The following CDH13 variants were observed in gnomAD, a reference collection of about 807,000 sequenced individuals.
The protein encoded by CDH13 is cadherin-13.
In CDH13, 24 loss-of-function variants were observed where a neutral mutation model predicts 63.8. The observed-to-expected ratio is 0.38, with a 90% CI of 0.27 to 0.53. CDH13 has a LOEUF of 0.53. Ranked by LOEUF, CDH13 falls within the 20% of genes least tolerant of loss-of-function variation. The probability of loss-of-function intolerance (pLI) is 0.85; values close to 1 mark genes in which losing one functional copy is unlikely to be tolerated. For missense variants in CDH13, 1,049 were observed against 903.1 expected, an observed-to-expected ratio of 1.16 and a Z score of -2.07; for synonymous variants, 503 against 355.3, an observed-to-expected ratio of 1.42 and a Z score of -4.67.
At chr16:83,320,605 TACA>T (rs1235171949) in intron 5 of CDH13, among the ~76,000 whole-genome samples, 1 of 152,256 alleles carries the variant, frequency 6.6e-6, no homozygotes, top group East Asian at 1.9e-4. Context: ...CCACTATTTC[TACA>T]AGAACAGATT....
intron 7 of CDH13, among the ~76,000 whole-genome samples, chr16:83,567,020 G>T (rs1173800878): frequency 6.6e-6 from 1 of 152,146 alleles, no homozygotes; most frequent in African/African-American, 2.4e-5. Flanking sequence ...GTGTCATACA[G>T]TTCTAGGCTC....
At chr16:82,639,239 A>T in intron 1 of CDH13, 1 of 526,040 alleles carries the variant, frequency 1.9e-6, no homozygotes, top group Admixed American at 3.4e-5. Flanking sequence ...TTGAGTTCCT[A>T]GTCTCTCAAA....
At chr16:82,993,641 T>C (rs1911894165) in intron 2 of CDH13, among the ~76,000 whole-genome samples, 1 of 152,228 alleles carries the variant, frequency 6.6e-6, no homozygotes. Flanking sequence ...TATCAGACTG[T>C]GTCTGCTAGT....
intron 1 of CDH13, among the ~76,000 whole-genome samples, chr16:82,854,013 C>G (rs2039592639): frequency 6.6e-6 from 1 of 152,164 alleles, no homozygotes; most frequent in Admixed American, 6.5e-5. Flanking sequence ...TTACTGCTTT[C>G]CATCCCCTTA....
chr16:83,377,224 A>G (rs1181543427), intron 6 of CDH13, among the ~76,000 whole-genome samples: 1 of 152,156 alleles, frequency 6.6e-6, no homozygotes, highest in Non-Finnish European at 1.5e-5. Flanking sequence ...TAAGAACTGA[A>G]TTAAACATAA....
At chr16:83,261,100 C>T (rs1313667164) in intron 5 of CDH13, among the ~76,000 whole-genome samples, 3 of 152,018 alleles carry the variant, frequency 2.0e-5, no homozygotes, top group African/African-American at 7.2e-5. Flanking sequence ...CACTCCTCAG[C>T]CAAGGAGAAC....
chr16:83,691,515 C>A (rs1396594672), intron 10 of CDH13, among the ~76,000 whole-genome samples: 1 of 152,088 alleles, frequency 6.6e-6, no homozygotes, highest in Non-Finnish European at 1.5e-5. Flanking sequence ...CCCCTTACAG[C>A]CTTGCAAAGA....
intron 6 of CDH13, among the ~76,000 whole-genome samples, chr16:83,351,185 C>T (rs1244505764): frequency 6.6e-6 from 1 of 151,696 alleles, no homozygotes; most frequent in Non-Finnish European, 1.5e-5. Flanking sequence ...TTTTTTTTTG[C>T]TGATATTTTC....
intron 7 of CDH13, among the ~76,000 whole-genome samples, chr16:83,573,105 A>C (rs527459754): frequency 6.5e-4 from 99 of 152,344 alleles, no homozygotes; most frequent in African/African-American, 2.1e-3. Context: ...ATGACTGTGC[A>C]CAATGCAGTA....
chr16:83,154,407 AT>A (rs1342910089), intron 4 of CDH13, among the ~76,000 whole-genome samples: 2 of 151,974 alleles, frequency 1.3e-5, no homozygotes, highest in Admixed American at 6.6e-5. Flanking sequence ...ATACAAAAAA[AT>A]AAAATAAAAT....
At chr16:82,916,869 C>G (rs867360442) in intron 2 of CDH13, among the ~76,000 whole-genome samples, 2 of 152,170 alleles carry the variant, frequency 1.3e-5, no homozygotes, top group Non-Finnish European at 2.9e-5. Context: ...TTATGTGACA[C>G]ATTTAGGTGT....
At chr16:83,787,065 ACACT>A (rs1342183759) in intron 13 of CDH13, among the ~76,000 whole-genome samples, 1 of 152,206 alleles carries the variant, frequency 6.6e-6, no homozygotes, top group South Asian at 2.1e-4. Context: ...ACTGACACAT[ACACT>A]CACTCACACA....
intron 5 of CDH13, among the ~76,000 whole-genome samples, chr16:83,321,571 T>C (rs1243203925): frequency 1.6e-5 from 2 of 123,970 alleles, no homozygotes; most frequent in Non-Finnish European, 3.1e-5. Context: ...CTCTGTCGCC[T>C]AGGCTGGAGT....
intron 6 of CDH13, among the ~76,000 whole-genome samples, chr16:83,408,544 A>G (rs138693247): frequency 1.2e-4 from 18 of 152,360 alleles, no homozygotes; most frequent in African/African-American, 4.1e-4. Context: ...AAAAGATACC[A>G]TAAAAATACA....
intron 3 of CDH13, among the ~76,000 whole-genome samples, chr16:83,086,465 C>T (rs1359299756): frequency 6.6e-6 from 1 of 152,158 alleles, no homozygotes; most frequent in African/African-American, 2.4e-5. Flanking sequence ...GTGCTTATTG[C>T]AGTACAGTGG....
At chr16:82,982,426 C>T (rs1207084398) in intron 2 of CDH13, among the ~76,000 whole-genome samples, 1 of 152,120 alleles carries the variant, frequency 6.6e-6, no homozygotes, top group African/African-American at 2.4e-5. Context: ...TCTGGAGCTC[C>T]GAAGTCCTAA....
At position 82,809,010 on chromosome 16, in the gene CDH13, C is replaced by T. The variant is rs139461630; in HGVS notation, c.46-49352C>T. On this transcript the variant is annotated intron_variant, in intron 1 of 13. Transcript: ENST00000567109. The stretch of plus-strand genomic sequence containing the variant: ...ATGTGTATATGTATGGGTATATATA[C>T]ACGTTATATATATGATTGTGAACAT... 3.8e-3 allele frequency among the ~76,000 whole-genome samples: 572 copies of T among 152,010 alleles called. 3 individuals are homozygous for T. The highest frequency in any genetic ancestry group is 0.013 in the African/African-American group (551 of 41,438).
intron 2 of CDH13, among the ~76,000 whole-genome samples, chr16:82,909,106 C>T (rs2041743012): frequency 6.6e-6 from 1 of 152,096 alleles, no homozygotes; most frequent in African/African-American, 2.4e-5. Context: ...AATGTAAATA[C>T]TTTGTAAATA....
chr16:83,162,402 A>G (rs1033036621), intron 4 of CDH13, among the ~76,000 whole-genome samples: 6 of 152,132 alleles, frequency 3.9e-5, no homozygotes, highest in African/African-American at 1.4e-4. Context: ...TATTGTAGAC[A>G]TTTTACAGAT....
Sources: allele counts gnomAD v4.1 joint callset (sites outside exome capture counted in the v4.1 genomes callset), GRCh38; gene constraint gnomAD v4.1.1; transcripts MANE v1.5; gene names NCBI Gene and HGNC (gene_info 2026-07-23, HGNC 2026-07-21).